MTUS2: variants seen among roughly 807,000 people sequenced by gnomAD.
The protein encoded by MTUS2 is microtubule-associated tumor suppressor candidate 2.
Under a neutral mutation model 114.1 loss-of-function variants are expected in MTUS2, and 40 were observed. The observed-to-expected ratio is 0.35, with a 90% CI of 0.27 to 0.46. The LOEUF is 0.46. Ranked by LOEUF, MTUS2 falls within the 20% of genes least tolerant of loss-of-function variation. The pLI is 1.00. For synonymous variants in MTUS2, 688 were observed against 672.0 expected (o/e 1.02, Z -0.37); for missense variants, 1,679 against 1,705.4 (o/e 0.98, Z 0.27).
chr13:29,018,646 G>T (rs1251797884), intron 2 of MTUS2, among the ~76,000 whole-genome samples: 1 of 152,120 alleles, frequency 6.6e-6, no homozygotes, highest in Non-Finnish European at 1.5e-5. Flanking sequence ...TGTAATCCCA[G>T]CTACTCAGGA....
chr13:28,888,051 C>A (rs569004244), intron 2 of MTUS2, among the ~76,000 whole-genome samples: 4 of 152,182 alleles, frequency 2.6e-5, no homozygotes, highest in Admixed American at 6.5e-5. Context: ...TTCTGTGAAA[C>A]CTTTCCTACC....
At chr13:29,279,934 A>C (rs1400985736) in intron 5 of MTUS2, among the ~76,000 whole-genome samples, 1 of 152,254 alleles carries the variant, frequency 6.6e-6, no homozygotes, top group East Asian at 1.9e-4. Context: ...AAAGACTGTG[A>C]GAGATTTTGC....
At chr13:28,938,335 TGTGCCACTGCAC>T (rs1234318828) in intron 2 of MTUS2, among the ~76,000 whole-genome samples, 2 of 151,412 alleles carry the variant, frequency 1.3e-5, no homozygotes, top group Non-Finnish European at 2.9e-5. Context: ...GAGCTGAGAT[TGTGCCACTGCAC>T]TCCAGCCTGG....
Position 29,436,222 on chromosome 13 carries a change from T to C in MTUS2, c.3118-3761T>C, listed in dbSNP as rs533400796. On this transcript the variant is annotated intron_variant, in intron 8 of 15. Coordinates refer to ENST00000612955, the MANE Select transcript of MTUS2 (RefSeq NM_001033602.4). ...AATTTGGATCTTGTTGTTGCATCTA[T>C]CTAAGCATGGCTAGGAGGGGAAATC... Among the ~76,000 whole-genome samples the C allele has an allele frequency of 5.3e-5, 8 of 152,314 alleles. No homozygotes were observed. In the South Asian group the frequency reaches 1.7e-3, roughly 32 times the overall value.
chr13:29,173,834 A>G (rs1893660464), intron 5 of MTUS2, among the ~76,000 whole-genome samples: 2 of 152,098 alleles, frequency 1.3e-5, no homozygotes, highest in Admixed American at 1.3e-4. Context: ...AATCGCAAAA[A>G]CACATCTTTG....
At chr13:29,301,051 A>T (rs1376742094) in intron 6 of MTUS2, among the ~76,000 whole-genome samples, 9 of 152,224 alleles carry the variant, frequency 5.9e-5, no homozygotes, top group Non-Finnish European at 1.5e-5. Context: ...TTAACCCACC[A>T]GTCAGCAAAT....
chr13:29,366,952 C>T (rs932382882), intron 8 of MTUS2, among the ~76,000 whole-genome samples: 3 of 152,202 alleles, frequency 2.0e-5, no homozygotes, highest in Non-Finnish European at 2.9e-5. Context: ...CCTGTGTCTG[C>T]ATCCCTCTGC....
intron 2 of MTUS2, among the ~76,000 whole-genome samples, chr13:28,959,486 A>G (rs760155601): frequency 5.3e-5 from 8 of 152,158 alleles, no homozygotes; most frequent in East Asian, 1.9e-4. Flanking sequence ...AAACTGGGTA[A>G]TTTATAAAGA....
chr13:28,863,395 A>G (rs1049148373), intron 2 of MTUS2, among the ~76,000 whole-genome samples: 1 of 152,190 alleles, frequency 6.6e-6, no homozygotes, highest in Admixed American at 6.5e-5. Flanking sequence ...ATGAGCCTTT[A>G]TATAAAAACA....
chr13:29,186,655 T>C (rs1894236368), intron 5 of MTUS2, among the ~76,000 whole-genome samples: 1 of 152,122 alleles, frequency 6.6e-6, no homozygotes, highest in Non-Finnish European at 1.5e-5. Flanking sequence ...AAGGAGGAAA[T>C]ACAATCCAAC....
chr13:28,901,763 A>G (rs1179688249), intron 2 of MTUS2, among the ~76,000 whole-genome samples: 1 of 152,168 alleles, frequency 6.6e-6, no homozygotes, highest in African/African-American at 2.4e-5. Flanking sequence ...TTACTGTAGC[A>G]ATAAAGTAAG....
At chr13:29,461,983 G>A (rs890249837) in intron 9 of MTUS2, among the ~76,000 whole-genome samples, 13 of 152,194 alleles carry the variant, frequency 8.5e-5, no homozygotes, top group African/African-American at 3.1e-4. Flanking sequence ...CCAGGTGTCT[G>A]CTGAGGGAGC....
At position 29,118,533 on chromosome 13, in the gene MTUS2, C is replaced by A. The variant is rs555012407; in HGVS notation, c.2644+17563C>A. On this transcript the variant is annotated intron_variant, in intron 5 of 15. Transcript: ENST00000612955. ...TAATAAATTGGCAGCCAACTAGACTCTCACAGTTTCCTATGGTCTTCCCTC... is the reference window on the plus strand; with the variant it reads ...TAATAAATTGGCAGCCAACTAGACTATCACAGTTTCCTATGGTCTTCCCTC... Among the ~76,000 whole-genome samples the A allele has an allele frequency of 4.6e-4, 70 of 152,294 alleles. No homozygotes were observed. In the South Asian group the frequency reaches 0.014, roughly 31 times the overall value.
chr13:29,191,322 A>G (rs1166028485), intron 5 of MTUS2, among the ~76,000 whole-genome samples: 2 of 151,970 alleles, frequency 1.3e-5, no homozygotes, highest in Non-Finnish European at 2.9e-5. Flanking sequence ...TTTTATATAT[A>G]TATAATTGGT....
intron 5 of MTUS2, among the ~76,000 whole-genome samples, chr13:29,105,593 T>C (rs1187267292): frequency 6.6e-6 from 1 of 151,498 alleles, no homozygotes; most frequent in Non-Finnish European, 1.5e-5. Flanking sequence ...AGAACAGAAA[T>C]CATGGGGCAA....
At chr13:29,317,234 A>G (rs1566126290) in intron 6 of MTUS2, among the ~76,000 whole-genome samples, 2 of 152,214 alleles carry the variant, frequency 1.3e-5, no homozygotes, top group Non-Finnish European at 2.9e-5. Flanking sequence ...GTGTGTTGAA[A>G]TGGAACAAAC....
chr13:29,133,783 G>A (rs1479894763), intron 5 of MTUS2, among the ~76,000 whole-genome samples: 1 of 152,176 alleles, frequency 6.6e-6, no homozygotes, highest in Non-Finnish European at 1.5e-5. Context: ...TAGGAAGTGT[G>A]TCTCCTCCAG....
intron 2 of MTUS2, among the ~76,000 whole-genome samples, chr13:28,947,536 T>C (rs1351464691): frequency 6.6e-6 from 1 of 152,108 alleles, no homozygotes; most frequent in Non-Finnish European, 1.5e-5. Flanking sequence ...ATGAGATCTT[T>C]CGGCTTTTGC....
intron 9 of MTUS2, among the ~76,000 whole-genome samples, chr13:29,440,491 T>C (rs946694229): frequency 6.6e-6 from 1 of 152,194 alleles, no homozygotes; most frequent in Non-Finnish European, 1.5e-5. Context: ...AGAGTTCATG[T>C]TGAAATTTCT....
Sources: gnomAD v4.1 joint callset for allele counts (sites outside exome capture counted in the v4.1 genomes callset) on GRCh38, gnomAD v4.1.1 for gene constraint, MANE v1.5 for transcripts, NCBI Gene and HGNC (gene_info 2026-07-23, HGNC 2026-07-21) for gene names.